The following MYOM1 variants were observed in gnomAD, a reference collection of about 807,000 sequenced individuals.
The protein encoded by MYOM1 is myomesin-1.
A neutral mutation model predicts 205.3 loss-of-function variants in MYOM1; 164 were observed. That is an observed-to-expected ratio of 0.80 (90% CI 0.70 to 0.91). The LOEUF (loss-of-function observed/expected upper bound fraction) is 0.91. Among genes scored for constraint, MYOM1 ranks in the 40% least tolerant of loss-of-function variants. The pLI, the probability that MYOM1 is intolerant of heterozygous loss-of-function variation, is 0.00. For missense variants in MYOM1, 2,011 were observed against 2,127.3 expected (o/e 0.95, Z 1.08); for synonymous variants, 772 against 789.4 (o/e 0.98, Z 0.37).
chr18:3,241,129 C>T, the MYOM1 span, among the ~76,000 whole-genome samples: 1 of 152,166 alleles, frequency 6.6e-6, no homozygotes, highest in Non-Finnish European at 1.5e-5. Flanking sequence ...AAAGAAAATT[C>T]CATTTTCTGA....
intron 2 of MYOM1, among the ~76,000 whole-genome samples, chr18:3,197,610 A>T (rs887530249): frequency 5.3e-5 from 8 of 152,210 alleles, no homozygotes; most frequent in Non-Finnish European, 7.4e-5. Context: ...GCGGTGGCTC[A>T]CGCCTGTAAT....
chr18:3,203,873 T>G (rs2081097840), intron 2 of MYOM1, among the ~76,000 whole-genome samples: 1 of 151,670 alleles, frequency 6.6e-6, no homozygotes, highest in African/African-American at 2.4e-5. Context: ...CAAAAATCCT[T>G]CATAAAATAT....
intron 8 of MYOM1, among the ~76,000 whole-genome samples, chr18:3,170,911 T>C (rs2080547384): frequency 6.6e-6 from 1 of 152,200 alleles, no homozygotes; most frequent in Non-Finnish European, 1.5e-5. Flanking sequence ...TCACATCTTT[T>C]GTCCCTCTTC....
the MYOM1 span, among the ~76,000 whole-genome samples, chr18:3,238,759 C>T: frequency 1.3e-5 from 2 of 152,130 alleles, no homozygotes; most frequent in African/African-American, 4.8e-5. Flanking sequence ...TGTTCCTTTC[C>T]TGAGGCTCTA....
At chr18:3,094,597 A>G (rs1013929653) in intron 25 of MYOM1, among the ~76,000 whole-genome samples, 2 of 152,042 alleles carry the variant, frequency 1.3e-5, no homozygotes, top group African/African-American at 4.8e-5. Flanking sequence ...CTAGGGGCAT[A>G]GGGGCACTTG....
At chr18:3,242,600 T>C in the MYOM1 span, among the ~76,000 whole-genome samples, 1 of 152,114 alleles carries the variant, frequency 6.6e-6, no homozygotes, top group Admixed American at 6.5e-5. Context: ...CCTCCGTCTC[T>C]CAGGTTCAAG....
chr18:3,172,854 C>T (rs12953451), intron 8 of MYOM1, among the ~76,000 whole-genome samples: 279 of 152,100 alleles, frequency 1.8e-3, no homozygotes, highest in Admixed American at 2.9e-3. Context: ...GGGAGAAGAA[C>T]ATGATTCGGG....
At chr18:3,195,843 G>A (rs1301039104) in intron 2 of MYOM1, among the ~76,000 whole-genome samples, 1 of 151,782 alleles carries the variant, frequency 6.6e-6, no homozygotes, top group East Asian at 1.9e-4. Context: ...AATCACAGGC[G>A]CTGCTTTTTT....
At chr18:3,165,533 A>C (rs2080455366) in intron 9 of MYOM1, among the ~76,000 whole-genome samples, 1 of 152,230 alleles carries the variant, frequency 6.6e-6, no homozygotes, top group East Asian at 1.9e-4. Context: ...TTCTAATTCT[A>C]AGCCTCAAAA....
At chr18:3,068,317 T>C (rs2078921414) in intron 37 of MYOM1, among the ~76,000 whole-genome samples, 1 of 151,930 alleles carries the variant, frequency 6.6e-6, no homozygotes, top group South Asian at 2.1e-4. Flanking sequence ...GTATGCTGTC[T>C]ACCCAGCTTC....
At chr18:3,194,214 T>C (rs1225645113) in intron 2 of MYOM1, among the ~76,000 whole-genome samples, 1 of 152,180 alleles carries the variant, frequency 6.6e-6, no homozygotes, top group African/African-American at 2.4e-5. Flanking sequence ...CCACTTAAAG[T>C]TTCAAGGGAA....
At chr18:3,080,307 A>C (rs2079069823) in intron 33 of MYOM1, among the ~76,000 whole-genome samples, 2 of 152,152 alleles carry the variant, frequency 1.3e-5, no homozygotes, top group Admixed American at 1.3e-4. Context: ...ATATTATTAT[A>C]AATGTATTTT....
the MYOM1 span, among the ~76,000 whole-genome samples, chr18:3,240,346 G>A: frequency 1.3e-5 from 2 of 152,310 alleles, no homozygotes; most frequent in East Asian, 1.9e-4. Flanking sequence ...CCCACATGTT[G>A]TGGGAGGGAT....
chr18:3,177,391 T>C (rs2080658238), intron 5 of MYOM1, among the ~76,000 whole-genome samples: 1 of 151,488 alleles, frequency 6.6e-6, no homozygotes, highest in Non-Finnish European at 1.5e-5. Flanking sequence ...CTGTGTAGGA[T>C]GAGAGCAAAA....
At chr18:3,235,202 T>A in the MYOM1 span, among the ~76,000 whole-genome samples, 3 of 152,232 alleles carry the variant, frequency 2.0e-5, no homozygotes, top group African/African-American at 7.2e-5. Flanking sequence ...TGTCTCTTTG[T>A]ACTGTGTTTG....
chr18:3,152,002 A>T lies in MYOM1; in HGVS notation c.1644-109T>A. 8.4e-7 allele frequency: 1 copy of T among 1,196,852 alleles called. No homozygotes were observed. Among genetic ancestry groups the T allele is most frequent in the East Asian group, 2.6e-5 (1 of 38,464 alleles). The allele number at this position is 1,196,852 out of a possible 1,614,324, so 74.1% of individuals were successfully genotyped here. ...GTTTCAGATCTTCTCCCTATAAAAT[A>T]TCCAAGTCAGGCGTGGCTCGCTACC... On this transcript the variant is annotated intron_variant, in intron 11 of 37. Transcript: ENST00000356443. This position sits in a 1 kb window ranked among gnomAD's most constrained non-coding sequence, Gnocchi z 4.3.
chr18:3,124,485 C>T (rs866899488), intron 19 of MYOM1, among the ~76,000 whole-genome samples: 10 of 151,340 alleles, frequency 6.6e-5, no homozygotes, highest in Admixed American at 3.9e-4. Flanking sequence ...CCCGCCACCA[C>T]GCCCGGCTAA....
chr18:3,139,256 A>C (rs2080015587), intron 14 of MYOM1, among the ~76,000 whole-genome samples: 1 of 152,224 alleles, frequency 6.6e-6, no homozygotes, highest in Non-Finnish European at 1.5e-5. Flanking sequence ...GCTGTTAACG[A>C]GTGATACAGT....
the MYOM1 span, among the ~76,000 whole-genome samples, chr18:3,242,217 GCT>G: frequency 6.6e-6 from 1 of 152,114 alleles, no homozygotes; most frequent in East Asian, 1.9e-4. Context: ...ATACGGCTTG[GCT>G]CTGTGTCCCC....
Sources: allele counts gnomAD v4.1 joint callset (sites outside exome capture counted in the v4.1 genomes callset), GRCh38; gene constraint gnomAD v4.1.1; non-coding constraint Gnocchi (gnomAD v3.1); transcripts MANE v1.5; gene names NCBI Gene and HGNC (gene_info 2026-07-23, HGNC 2026-07-21).